RTN4RL1: variants seen among roughly 807,000 people sequenced by gnomAD.
RTN4RL1 encodes the protein reticulon-4 receptor-like 1.
Under a neutral mutation model 25.6 loss-of-function variants are expected in RTN4RL1, and 7 were observed. That is an observed-to-expected ratio of 0.27 (90% CI 0.16 to 0.51). The LOEUF is 0.51. Among genes scored for constraint, RTN4RL1 ranks in the 20% least tolerant of loss-of-function variants. RTN4RL1 has a pLI of 0.97. For missense variants in RTN4RL1, 500 were observed against 615.6 expected, an observed-to-expected ratio of 0.81 and a Z score of 1.99; for synonymous variants, 297 against 288.2, an observed-to-expected ratio of 1.03 and a Z score of -0.31.
chr17:2,008,201 A>C (rs2067014897), intron 1 of RTN4RL1, among the ~76,000 whole-genome samples: 1 of 148,264 alleles, frequency 6.7e-6, no homozygotes, highest in Non-Finnish European at 1.5e-5. Flanking sequence ...CCCGGGAGGC[A>C]GAGGTTGCGG....
rs531907741 is a variant in RTN4RL1 at position 1,980,345 on chromosome 17, A to G, written c.14-42537T>C. ...CTCGGCCTCCCAAACCGCTAAGATT[A>G]CAGGCATCAGCCCCCATGCCTGGCC... is the stretch of plus-strand genomic sequence containing the variant. On this transcript the variant is annotated intron_variant, in intron 1 of 1. Coordinates refer to ENST00000331238, the MANE Select transcript of RTN4RL1 (RefSeq NM_178568.4). Among the ~76,000 whole-genome samples, 4 of 151,424 alleles carry G rather than the reference A, an allele frequency of 2.6e-5. No individual in the cohort carries two copies. In the South Asian group the frequency reaches 8.3e-4, roughly 32 times the overall value.
chr17:1,942,577 G>A (rs1915461987), intron 1 of RTN4RL1, among the ~76,000 whole-genome samples: 1 of 152,102 alleles, frequency 6.6e-6, no homozygotes, highest in Admixed American at 6.5e-5. Context: ...TATGAATCTG[G>A]GAACCAGGGA....
chr17:2,013,386 A>G (rs1166174567), intron 1 of RTN4RL1, among the ~76,000 whole-genome samples: 1 of 152,220 alleles, frequency 6.6e-6, no homozygotes, highest in Non-Finnish European at 1.5e-5. Context: ...CCATTTCGGC[A>G]CACCAGCCTG....
At chr17:1,946,867 C>A (rs543468000) in intron 1 of RTN4RL1, among the ~76,000 whole-genome samples, 1 of 52,374 alleles carries the variant, frequency 1.9e-5, no homozygotes. Context: ...TCTGTGTGCA[C>A]GTGTGTCTGT....
intron 1 of RTN4RL1, among the ~76,000 whole-genome samples, chr17:2,011,176 G>A (rs1466031709): frequency 1.3e-5 from 2 of 152,154 alleles, no homozygotes; most frequent in Non-Finnish European, 2.9e-5. Context: ...GCTTGAACCT[G>A]GGAGGCGGAG....
intron 1 of RTN4RL1, among the ~76,000 whole-genome samples, chr17:1,981,951 C>T (rs570873270): frequency 1.6e-4 from 25 of 152,370 alleles, no homozygotes; most frequent in Non-Finnish European, 2.9e-4. Context: ...CAAACCTGCA[C>T]AGCACGTGCC....
At chr17:1,963,808 C>G (rs551180435) in intron 1 of RTN4RL1, among the ~76,000 whole-genome samples, 2 of 152,032 alleles carry the variant, frequency 1.3e-5, no homozygotes, top group Non-Finnish European at 2.9e-5. Context: ...CTCGGCTGAG[C>G]GCAACCTCCA....
chr17:1,935,860 CT>C lies in RTN4RL1; in HGVS notation c.*635del. On this transcript the variant is annotated 3_prime_UTR_variant, in exon 2 of 2. Transcript: ENST00000331238. ...GTTCTAGATTTCAGCCTCTGATGAT[CT>C]TTCCTTTGGTAATTGGTTCTTGGAC... is the stretch of plus-strand genomic sequence containing the variant. 1.0e-6 allele frequency: 1 copy of C among 985,336 alleles called. No individual in the cohort carries two copies. The highest frequency in any genetic ancestry group is 1.2e-6 in the Non-Finnish European group (1 of 829,814). The allele number at this position is 985,336 out of a possible 1,614,324, so 61.0% of individuals were successfully genotyped here. A position where few individuals can be genotyped will look rare whatever the true frequency, so the allele number is the denominator to read the frequency against.
At chr17:1,961,953 A>AC (rs1296927206) in intron 1 of RTN4RL1, among the ~76,000 whole-genome samples, 1 of 140,872 alleles carries the variant, frequency 7.1e-6, no homozygotes, top group Admixed American at 7.0e-5. Flanking sequence ...GCCTCAAAAA[A>AC]AAAAAAGAAA....
intron 1 of RTN4RL1, among the ~76,000 whole-genome samples, chr17:1,942,724 C>G (rs545208393): frequency 3.8e-4 from 58 of 152,228 alleles, no homozygotes; most frequent in South Asian, 6.2e-4. Context: ...ATGGGGGCAG[C>G]TCAGGCGGGT....
At chr17:1,991,782 C>CCTCCTGAT (rs1242477231) in intron 1 of RTN4RL1, among the ~76,000 whole-genome samples, 1 of 152,170 alleles carries the variant, frequency 6.6e-6, no homozygotes, top group Non-Finnish European at 1.5e-5. Flanking sequence ...CAGTGGATCC[C>CCTCCTGAT]CTCCTGATGG....
At position 1,998,441 on chromosome 17, in the gene RTN4RL1, C is replaced by T. The variant is rs937640237; in HGVS notation, c.13+26412G>A. ...GATCCGTTCCCTCTCGCGGGAGCCGCCGGCCGGGGATCTGCGCACCCCACG... is the reference window on the plus strand; with the variant it reads ...GATCCGTTCCCTCTCGCGGGAGCCGTCGGCCGGGGATCTGCGCACCCCACG... On this transcript the variant is annotated intron_variant, in intron 1 of 1. Coordinates refer to ENST00000331238, the MANE Select transcript of RTN4RL1 (RefSeq NM_178568.4). This position sits in a 1 kb window ranked among gnomAD's most constrained non-coding sequence, Gnocchi z 4.9. Among the ~76,000 whole-genome samples, 98 of 152,096 alleles carry T rather than the reference C, an allele frequency of 6.4e-4. No individual in the cohort carries two copies. The highest frequency in any genetic ancestry group is 5.8e-4 in the East Asian group (3 of 5,162).
At chr17:1,961,561 T>G (rs1292256684) in intron 1 of RTN4RL1, among the ~76,000 whole-genome samples, 2 of 151,834 alleles carry the variant, frequency 1.3e-5, no homozygotes, top group Non-Finnish European at 2.9e-5. Context: ...GGGTGGAGTC[T>G]CTTTTGTTCG....
rs749590901 is a variant in RTN4RL1, at chr17:1,936,605, C to A, written c.1217G>T (p.Arg406Leu). 8.2e-6 allele frequency: 13 copies of A among 1,587,130 alleles called. No homozygotes were observed. The highest frequency in any genetic ancestry group is 3.4e-5 in the South Asian group (3 of 87,308). The stretch of plus-strand genomic sequence containing the variant: ...GCTGGGGGCACGGATGGGGGTCCTG[C>A]GGGCACACTTGCCCTTCCTCTTGGG... ...ARPKRKGKCA[R>L]RTPIRAPSGV... is the part of the protein sequence containing the mutation. Residue 406 changes from arginine (R) to leucine (L), a missense_variant, in exon 2 of 2, where the codon CGC becomes CTC. Physicochemically the swap from Arg to Leu is moderately radical, Grantham distance 102 (BLOSUM62 -2). This residue lies in a region of RTN4RL1 where 268 missense variants were observed against 274.5 expected (regional missense o/e 0.98). Coordinates refer to ENST00000331238, the MANE Select transcript of RTN4RL1 (RefSeq NM_178568.4).
rs2066920104 is a variant in RTN4RL1, at chr17:1,994,064, C to T, written c.13+30789G>A. Among the ~76,000 whole-genome samples the T allele has an allele frequency of 6.6e-6, 1 of 152,094 alleles. No individual in the cohort carries two copies. The highest frequency in any genetic ancestry group is 1.5e-5 in the Non-Finnish European group (1 of 68,020). ...CCCCACCCCCGGCTACGCTGAACCA[C>T]CCCGTTCCTCAGGACACGTGCACTC... On this transcript the variant is annotated intron_variant, in intron 1 of 1. Coordinates refer to ENST00000331238, the MANE Select transcript of RTN4RL1 (RefSeq NM_178568.4). This position sits in a 1 kb window ranked among gnomAD's most constrained non-coding sequence, Gnocchi z 4.3.
At chr17:1,992,092 C>A (rs2066911390) in intron 1 of RTN4RL1, among the ~76,000 whole-genome samples, 2 of 152,104 alleles carry the variant, frequency 1.3e-5, no homozygotes, top group South Asian at 4.1e-4. Context: ...GTGCCGGGCG[C>A]AGTGGCTCAC....
intron 1 of RTN4RL1, among the ~76,000 whole-genome samples, chr17:1,940,621 G>C (rs1358298428): frequency 6.6e-6 from 1 of 152,124 alleles, no homozygotes; most frequent in African/African-American, 2.4e-5. Flanking sequence ...CTTTTGGGAA[G>C]CCTGCCCACT....
Position 2,015,849 on chromosome 17 carries a change from G to A in RTN4RL1, c.13+9004C>T, listed in dbSNP as rs8076614. On this transcript the variant is annotated intron_variant, in intron 1 of 1. Coordinates refer to ENST00000331238, the MANE Select transcript of RTN4RL1 (RefSeq NM_178568.4). Reference sequence around the variant, plus strand: ...GCAGGTGACAGAACTCAAACCCCTCGCCCTGTGGACAGCGGACAGTCCTCC... The same window carrying A: ...GCAGGTGACAGAACTCAAACCCCTCACCCTGTGGACAGCGGACAGTCCTCC... Among the ~76,000 whole-genome samples, 1,188 of 152,264 alleles carry A rather than the reference G, an allele frequency of 7.8e-3. 9 individuals are homozygous for A. Among genetic ancestry groups the A allele is most frequent in the African/African-American group, 0.026 (1,084 of 41,546 alleles).
chr17:2,008,129 T>TGTG (rs575418850), intron 1 of RTN4RL1, among the ~76,000 whole-genome samples: 117 of 150,322 alleles, frequency 7.8e-4, no homozygotes, highest in African/African-American at 2.8e-3. Flanking sequence ...ATTATCCGGC[T>TGTG]GTGGTGGTGC....
Sources: allele counts gnomAD v4.1 joint callset (sites outside exome capture counted in the v4.1 genomes callset), GRCh38; gene constraint gnomAD v4.1.1; regional missense constraint gnomAD v4.1.1; non-coding constraint Gnocchi (gnomAD v3.1); transcripts MANE v1.5; gene names NCBI Gene and HGNC (gene_info 2026-07-23, HGNC 2026-07-21).